The following KCNC2 variants were observed in gnomAD, a reference collection of about 807,000 sequenced individuals.
The protein encoded by KCNC2 is potassium voltage-gated channel subfamily C member 2.
Under a neutral mutation model 44.5 loss-of-function variants are expected in KCNC2, and 21 were observed. That is an observed-to-expected ratio of 0.47 (90% confidence interval 0.33 to 0.68). The LOEUF (loss-of-function observed/expected upper bound fraction) is 0.68. Among genes scored for constraint, KCNC2 ranks in the 30% least tolerant of loss-of-function variants. The pLI, the probability that KCNC2 is intolerant of heterozygous loss-of-function variation, is 0.01. For synonymous variants in KCNC2, 391 were observed against 339.1 expected (o/e 1.15, Z -1.68); for missense variants, 589 against 826.2 (o/e 0.71, Z 3.52).
At chr12:75,118,186 T>C (rs562348842) in intron 2 of KCNC2, among the ~76,000 whole-genome samples, 3 of 152,102 alleles carry the variant, frequency 2.0e-5, no homozygotes, top group Non-Finnish European at 4.4e-5. Context: ...TCAGAGAGTA[T>C]AAGTGACTTA....
intron 2 of KCNC2, among the ~76,000 whole-genome samples, chr12:75,063,039 T>C (rs758268893): frequency 3.9e-4 from 59 of 152,226 alleles, no homozygotes; most frequent in Non-Finnish European, 6.2e-4. Context: ...GTTATTCATG[T>C]CCTATTTTTA....
At chr12:75,194,431 T>C (rs1335636830) in intron 2 of KCNC2, among the ~76,000 whole-genome samples, 4 of 152,066 alleles carry the variant, frequency 2.6e-5, no homozygotes, top group Non-Finnish European at 5.9e-5. Flanking sequence ...TTAGAACCAG[T>C]AGAAGAAACC....
Position 75,042,079 on chromosome 12 carries a change from C to T in KCNC2, c.*1026G>A. ...TAGTCAAAAAAGCCTTCTGTGAACA[C>T]CAGTGACATTTGATGTTTGCACAAA... On this transcript the variant is annotated 3_prime_UTR_variant, in exon 5 of 5. Transcript: ENST00000549446. 1 of 1,210,630 alleles carries T rather than the reference C, an allele frequency of 8.3e-7. No individual in the cohort carries two copies. Among genetic ancestry groups the T allele is most frequent in the Non-Finnish European group, 1.0e-6 (1 of 974,282 alleles). The allele number at this position is 1,210,630 out of a possible 1,614,324, so 75.0% of individuals were successfully genotyped here.
At chr12:75,178,209 A>G (rs1892325857) in intron 2 of KCNC2, among the ~76,000 whole-genome samples, 2 of 152,040 alleles carry the variant, frequency 1.3e-5, no homozygotes, top group African/African-American at 4.8e-5. Context: ...TCTGACTCAC[A>G]GTAAGACATG....
chr12:75,187,491 C>A (rs1462125589), intron 2 of KCNC2, among the ~76,000 whole-genome samples: 2 of 152,176 alleles, frequency 1.3e-5, no homozygotes, highest in Non-Finnish European at 2.9e-5. Flanking sequence ...CACATATCTT[C>A]CTTCGACTGC....
intron 2 of KCNC2, among the ~76,000 whole-genome samples, chr12:75,130,200 T>C (rs1888729960): frequency 6.6e-6 from 1 of 152,162 alleles, no homozygotes; most frequent in African/African-American, 2.4e-5. Context: ...TTTCATATAA[T>C]TTTATAAAGA....
intron 2 of KCNC2, among the ~76,000 whole-genome samples, chr12:75,206,361 C>T (rs941143051): frequency 1.3e-5 from 2 of 152,074 alleles, no homozygotes; most frequent in Admixed American, 1.3e-4. Context: ...TCTTTATTTC[C>T]TTTCAACCAG....
intron 2 of KCNC2, among the ~76,000 whole-genome samples, chr12:75,058,325 AT>A (rs1881961715): frequency 6.6e-6 from 1 of 151,394 alleles, no homozygotes; most frequent in Admixed American, 6.6e-5. Flanking sequence ...TCCCCCTAAT[AT>A]TTTTATCTTT....
At chr12:75,198,205 T>C (rs920143761) in intron 2 of KCNC2, among the ~76,000 whole-genome samples, 1 of 151,882 alleles carries the variant, frequency 6.6e-6, no homozygotes, top group African/African-American at 2.4e-5. Flanking sequence ...CAAATTACAG[T>C]CAACATTATG....
In KCNC2 at chr12:75,186,141, G is replaced by A. The variant is rs150900427; in HGVS notation, c.687+21156C>T. On this transcript the variant is annotated intron_variant, in intron 2 of 4. Coordinates refer to ENST00000549446, the MANE Select transcript of KCNC2 (RefSeq NM_139137.4). ...AAGAAAATAGAGGTATAATTCTAGC[G>A]CAGTTACATAATACAAAAGAGTCTA... 6.3e-3 allele frequency among the ~76,000 whole-genome samples: 948 copies of A among 151,438 alleles called. 7 individuals are homozygous for A. Among genetic ancestry groups the A allele is most frequent in the African/African-American group, 0.021 (875 of 41,344 alleles).
At chr12:75,071,269 A>C (rs1476493158) in intron 2 of KCNC2, among the ~76,000 whole-genome samples, 1 of 152,102 alleles carries the variant, frequency 6.6e-6, no homozygotes. Flanking sequence ...GTAGCAATTA[A>C]AAAAAACCCT....
chr12:75,128,221 G>T (rs1041006245), intron 2 of KCNC2, among the ~76,000 whole-genome samples: 2 of 152,080 alleles, frequency 1.3e-5, no homozygotes, highest in Non-Finnish European at 2.9e-5. Flanking sequence ...CCAAAGCAGT[G>T]TAAAAATTGG....
chr12:75,117,608 A>G (rs1465801633), intron 2 of KCNC2, among the ~76,000 whole-genome samples: 4 of 152,234 alleles, frequency 2.6e-5, no homozygotes, highest in Admixed American at 6.5e-5. Flanking sequence ...GCAATACATA[A>G]GAGCAAACTC....
rs74108191 is a variant in KCNC2 at position 75,075,809 on chromosome 12, C to G, written c.688-24492G>C. ...CTGGAAAGAAGGTGTAGGATCTTTT[C>G]AAGATATTGTTTTACAATGCCTCCT... On this transcript the variant is annotated intron_variant, in intron 2 of 4. Transcript: ENST00000549446. Among the ~76,000 whole-genome samples, 465 of 152,082 alleles carry G rather than the reference C, an allele frequency of 3.1e-3. 3 individuals are homozygous for G. Among genetic ancestry groups the G allele is most frequent in the African/African-American group, 0.011 (448 of 41,490 alleles).
At chr12:75,102,236 A>G (rs1886424895) in intron 2 of KCNC2, among the ~76,000 whole-genome samples, 1 of 152,128 alleles carries the variant, frequency 6.6e-6, no homozygotes, top group African/African-American at 2.4e-5. Context: ...TGTATGCATA[A>G]GAATCAGGAG....
intron 2 of KCNC2, among the ~76,000 whole-genome samples, chr12:75,126,685 A>G (rs1241520621): frequency 6.6e-6 from 1 of 152,172 alleles, no homozygotes; most frequent in African/African-American, 2.4e-5. Flanking sequence ...CTGAAAATGA[A>G]GGGTCTCATG....
At chr12:75,170,139 G>A (rs114426873) in intron 2 of KCNC2, among the ~76,000 whole-genome samples, 2,195 of 151,638 alleles carry the variant, frequency 0.014, 47 homozygotes, top group African/African-American at 0.05. Context: ...TCCAAGCTCA[G>A]AATATAACAA....
intron 2 of KCNC2, among the ~76,000 whole-genome samples, chr12:75,063,984 C>CA (rs1191670223): frequency 8.6e-5 from 13 of 151,942 alleles, no homozygotes; most frequent in Admixed American, 4.6e-4. Context: ...AACTTTACCA[C>CA]AAAAAATCAG....
chr12:75,188,975 G>T (rs558694046), intron 2 of KCNC2, among the ~76,000 whole-genome samples: 3 of 152,090 alleles, frequency 2.0e-5, no homozygotes, highest in East Asian at 3.9e-4. Flanking sequence ...AATCCAGAAG[G>T]GTTTGTATTA....
Sources: allele counts gnomAD v4.1 joint callset (sites outside exome capture counted in the v4.1 genomes callset), GRCh38; gene constraint gnomAD v4.1.1; transcripts MANE v1.5; gene names NCBI Gene and HGNC (gene_info 2026-07-23, HGNC 2026-07-21).